The following IGSF21 variants were observed in gnomAD, a reference collection of about 807,000 sequenced individuals.
The protein encoded by IGSF21 is immunoglobin superfamily member 21.
A neutral mutation model predicts 46.8 loss-of-function variants in IGSF21; 28 were observed. That is an observed-to-expected ratio of 0.60 (90% confidence interval 0.44 to 0.82). The LOEUF (loss-of-function observed/expected upper bound fraction) is 0.82, where lower values mean the gene tolerates loss of function less well. Ranked by LOEUF, IGSF21 falls within the 40% of genes least tolerant of loss-of-function variation. The probability of loss-of-function intolerance (pLI) is 0.00; values close to 1 mark genes in which losing one functional copy is unlikely to be tolerated. For synonymous variants in IGSF21, 284 were observed against 273.6 expected (o/e 1.04, Z -0.38); for missense variants, 624 against 665.5 (o/e 0.94, Z 0.69).
rs531233373 is a variant in IGSF21, at chr1:18,308,406, C to A, written c.305+16419C>A. ...CCTCTGATGCACCAGAGGCCAAGTG[C>A]GGCGGGATGATTGGGTCATAGAAAA... On this transcript the variant is annotated intron_variant, in intron 3 of 9. Transcript: ENST00000251296. Among the ~76,000 whole-genome samples, 119 of 152,246 alleles carry A rather than the reference C, an allele frequency of 7.8e-4. 1 individual carries two copies. The Middle Eastern group carries it at 0.034, about 44-fold the overall frequency.
At chr1:18,287,220 TAA>T (rs2085222973) in intron 2 of IGSF21, among the ~76,000 whole-genome samples, 1 of 142,968 alleles carries the variant, frequency 7.0e-6, no homozygotes, top group Non-Finnish European at 1.6e-5. Context: ...TAAAAATAAA[TAA>T]AAATAAAAAT....
chr1:18,208,034 T>C (rs954890342), intron 1 of IGSF21, among the ~76,000 whole-genome samples: 2 of 152,114 alleles, frequency 1.3e-5, no homozygotes, highest in African/African-American at 4.8e-5. Flanking sequence ...GACATGCCCC[T>C]GGGAGAGAGA....
chr1:18,335,062 C>T lies in IGSF21; in HGVS notation c.424+52C>T, dbSNP rs1384821467. The stretch of plus-strand genomic sequence containing the variant: ...TGTCTCAGTGAGGAGGACGAGTATG[C>T]TTGAGTGTGTGAATGTGCGCACAGA... On this transcript the variant is annotated intron_variant, in intron 4 of 9. Transcript: ENST00000251296. This position sits in a 1 kb window ranked among gnomAD's most constrained non-coding sequence, Gnocchi z 4.8. 2.1e-6 allele frequency: 3 copies of T among 1,406,406 alleles called. No homozygotes were observed. In the South Asian group the frequency reaches 3.5e-5, roughly 16 times the overall value. 87.1% of individuals were successfully genotyped at this position (1,406,406 alleles called of 1,614,324 possible).
At chr1:18,256,484 G>A (rs567212307) in intron 2 of IGSF21, among the ~76,000 whole-genome samples, 10 of 152,244 alleles carry the variant, frequency 6.6e-5, no homozygotes, top group African/African-American at 2.4e-4. Flanking sequence ...GGCTCCCAGG[G>A]CTAGCCCTGA....
chr1:18,216,253 G>T (rs1266760491), intron 1 of IGSF21, among the ~76,000 whole-genome samples: 2 of 152,138 alleles, frequency 1.3e-5, no homozygotes, highest in African/African-American at 4.8e-5. Flanking sequence ...AATTGGAGGG[G>T]TTTGGAAGGG....
intron 1 of IGSF21, among the ~76,000 whole-genome samples, chr1:18,163,703 G>A (rs1032170020): frequency 1.3e-5 from 2 of 152,322 alleles, no homozygotes; most frequent in African/African-American, 2.4e-5. Context: ...GCATTGGTGG[G>A]TGGGAAAAGG....
intron 4 of IGSF21, among the ~76,000 whole-genome samples, chr1:18,359,338 A>AAAAAAAAGAAAGAAAGAAAGAAAGAAAG (rs1553166308): frequency 1.4e-4 from 5 of 35,368 alleles, no homozygotes; most frequent in East Asian, 7.7e-4. Flanking sequence ...AAGAGAAAGA[A>AAAAAAAAGAAAGAAAGAAAGAAAGAAAG]AAAGAAAGAA....
At chr1:18,198,732 G>C (rs994461095) in intron 1 of IGSF21, among the ~76,000 whole-genome samples, 31 of 152,154 alleles carry the variant, frequency 2.0e-4, no homozygotes, top group Non-Finnish European at 4.6e-4. Flanking sequence ...CTGGGCCCCA[G>C]GTGGAACTGG....
chr1:18,198,682 AAGAGAG>A (rs140460868), intron 1 of IGSF21, among the ~76,000 whole-genome samples: 1 of 149,848 alleles, frequency 6.7e-6, no homozygotes, highest in African/African-American at 2.4e-5. Context: ...GTATGGGATC[AAGAGAG>A]AGAGAGAGAG....
intron 6 of IGSF21, among the ~76,000 whole-genome samples, chr1:18,374,760 C>T (rs1191702617): frequency 6.6e-6 from 1 of 152,188 alleles, no homozygotes; most frequent in East Asian, 1.9e-4. Flanking sequence ...GATTTCCGTT[C>T]TAAGAGCTTT....
At chr1:18,214,833 C>T (rs776314203) in intron 1 of IGSF21, among the ~76,000 whole-genome samples, 1 of 152,186 alleles carries the variant, frequency 6.6e-6, no homozygotes, top group Non-Finnish European at 1.5e-5. Context: ...AACTTTGCCT[C>T]CCGGGTTCAA....
intron 1 of IGSF21, among the ~76,000 whole-genome samples, chr1:18,225,984 C>G (rs79614512): frequency 0.01 from 1,553 of 152,358 alleles, 26 homozygotes; most frequent in African/African-American, 0.035. Flanking sequence ...AATAGTTCCT[C>G]TCTCCTAGGA....
At chr1:18,149,742 C>T (rs1046277397) in intron 1 of IGSF21, among the ~76,000 whole-genome samples, 9 of 151,998 alleles carry the variant, frequency 5.9e-5, no homozygotes, top group Non-Finnish European at 1.3e-4. Flanking sequence ...TAGACTCTGG[C>T]TCCATAATTT....
chr1:18,123,695 T>G (rs2086253182), intron 1 of IGSF21, among the ~76,000 whole-genome samples: 1 of 150,572 alleles, frequency 6.6e-6, no homozygotes. Context: ...AAGAAGGGAG[T>G]GGAGGGATCT....
chr1:18,131,997 T>G (rs2086325748), intron 1 of IGSF21, among the ~76,000 whole-genome samples: 2 of 152,236 alleles, frequency 1.3e-5, no homozygotes, highest in South Asian at 4.1e-4. Flanking sequence ...GGTAGCCAGC[T>G]GCTATCTCTA....
At chr1:18,237,472 A>G (rs1295298295) in intron 2 of IGSF21, among the ~76,000 whole-genome samples, 2 of 152,228 alleles carry the variant, frequency 1.3e-5, no homozygotes, top group East Asian at 3.9e-4. Context: ...AGATTTGTGC[A>G]AAACAGACGA....
intron 1 of IGSF21, among the ~76,000 whole-genome samples, chr1:18,163,259 G>T (rs535389492): frequency 6.6e-6 from 1 of 152,262 alleles, no homozygotes; most frequent in South Asian, 2.1e-4. Flanking sequence ...AGGCAATGTG[G>T]CAGGCCGGTG....
At chr1:18,256,171 C>G (rs1321904598) in intron 2 of IGSF21, among the ~76,000 whole-genome samples, 1 of 152,142 alleles carries the variant, frequency 6.6e-6, no homozygotes, top group Non-Finnish European at 1.5e-5. Flanking sequence ...ACCTCTGGGT[C>G]TTTGCCTGCT....
chr1:18,286,594 C>T (rs1271639930), intron 2 of IGSF21, among the ~76,000 whole-genome samples: 1 of 152,206 alleles, frequency 6.6e-6, no homozygotes, highest in Non-Finnish European at 1.5e-5. Context: ...CCTGCTGGTT[C>T]CTTTTGGAGC....
Sources: allele counts gnomAD v4.1 joint callset (sites outside exome capture counted in the v4.1 genomes callset), GRCh38; gene constraint gnomAD v4.1.1; non-coding constraint Gnocchi (gnomAD v3.1); transcripts MANE v1.5; gene names NCBI Gene and HGNC (gene_info 2026-07-23, HGNC 2026-07-21).